CADPS2: variants seen among roughly 807,000 people sequenced by gnomAD.
CADPS2 encodes calcium-dependent secretion activator 2.
Under a neutral mutation model 172.5 loss-of-function variants are expected in CADPS2, and 93 were observed. The observed-to-expected ratio is 0.54, with a 90% CI of 0.46 to 0.64. CADPS2 has a LOEUF of 0.64. CADPS2 is among the 30% of genes least tolerant of loss of function. The pLI is 0.00. For missense variants in CADPS2, 1,420 were observed against 1,565.9 expected, an observed-to-expected ratio of 0.91 and a Z score of 1.57; for synonymous variants, 546 against 555.2, an observed-to-expected ratio of 0.98 and a Z score of 0.23.
At chr7:122,493,146 A>G (rs887663843) in intron 9 of CADPS2, among the ~76,000 whole-genome samples, 2 of 152,176 alleles carry the variant, frequency 1.3e-5, no homozygotes, top group African/African-American at 2.4e-5. Context: ...CATGCAAAAC[A>G]TATATTCAAT....
chr7:122,683,535 C>T (rs1009577792), intron 2 of CADPS2, among the ~76,000 whole-genome samples: 1 of 151,926 alleles, frequency 6.6e-6, no homozygotes, highest in Non-Finnish European at 1.5e-5. Context: ...TGGGGTACAA[C>T]GTGATGTTTT....
At chr7:122,837,916 C>G (rs1462437395) in intron 1 of CADPS2, among the ~76,000 whole-genome samples, 1 of 152,150 alleles carries the variant, frequency 6.6e-6, no homozygotes, top group African/African-American at 2.4e-5. Flanking sequence ...GGAATCCTCC[C>G]TAACTCATTT....
intron 6 of CADPS2, among the ~76,000 whole-genome samples, chr7:122,602,484 T>C (rs1242311594): frequency 6.6e-6 from 1 of 152,070 alleles, no homozygotes; most frequent in Non-Finnish European, 1.5e-5. Context: ...ATACATTGTA[T>C]TGACTTTGTG....
At chr7:122,828,756 G>T (rs1805660759) in intron 1 of CADPS2, among the ~76,000 whole-genome samples, 1 of 152,208 alleles carries the variant, frequency 6.6e-6, no homozygotes, top group South Asian at 2.1e-4. Context: ...ATCTGAGACT[G>T]TTTTTTCCCC....
intron 1 of CADPS2, among the ~76,000 whole-genome samples, chr7:122,884,644 G>A (rs1823817739): frequency 6.6e-6 from 1 of 152,134 alleles, no homozygotes; most frequent in Non-Finnish European, 1.5e-5. Flanking sequence ...TAGTTGCTCA[G>A]TTTGTGTGTG....
intron 1 of CADPS2, among the ~76,000 whole-genome samples, chr7:122,846,229 T>C (rs1811952586): frequency 6.6e-6 from 1 of 152,086 alleles, no homozygotes; most frequent in Non-Finnish European, 1.5e-5. Flanking sequence ...TCATCTCTAC[T>C]CCAAGGAATA....
chr7:122,857,662 C>T (rs1307819845), intron 1 of CADPS2, among the ~76,000 whole-genome samples: 1 of 152,158 alleles, frequency 6.6e-6, no homozygotes, highest in Non-Finnish European at 1.5e-5. Context: ...AAATAGCTCC[C>T]TTTATAAAGC....
chr7:122,514,283 C>T (rs535030924), intron 8 of CADPS2, among the ~76,000 whole-genome samples: 3 of 152,052 alleles, frequency 2.0e-5, no homozygotes, highest in Non-Finnish European at 4.4e-5. Flanking sequence ...GAAGGATTAA[C>T]AGTGCAGAGG....
intron 3 of CADPS2, among the ~76,000 whole-genome samples, chr7:122,630,200 G>A (rs1255592983): frequency 3.3e-5 from 5 of 152,054 alleles, no homozygotes; most frequent in Admixed American, 3.3e-4. Context: ...CTAAAGATTC[G>A]ATTGAGTATA....
At chr7:122,423,982 T>C (rs1334447597) in intron 17 of CADPS2, among the ~76,000 whole-genome samples, 1 of 152,208 alleles carries the variant, frequency 6.6e-6, no homozygotes, top group East Asian at 1.9e-4. Context: ...TATATAAACC[T>C]CATTTCAGGT....
intron 19 of CADPS2, chr7:122,409,468 C>CTT (rs543909692): frequency 4.1e-4 from 103 of 252,472 alleles, no homozygotes; most frequent in Middle Eastern, 1.3e-3. Context: ...ATGGAATACA[C>CTT]TTTTTTTTTT....
intron 1 of CADPS2, among the ~76,000 whole-genome samples, chr7:122,826,393 T>G (rs897111529): frequency 1.3e-5 from 2 of 151,996 alleles, no homozygotes; most frequent in African/African-American, 4.8e-5. Context: ...AATACAAAAA[T>G]AGCTAGGTTT....
intron 25 of CADPS2, 135 bp downstream of exon 25, chr7:122,379,233 C>T: frequency 3.7e-6 from 2 of 536,522 alleles, no homozygotes; most frequent in Non-Finnish European, 6.4e-6. Context: ...CCCAACTTTT[C>T]TGAAAATTCT....
At chr7:122,626,421 A>G (rs974276090) in intron 4 of CADPS2, among the ~76,000 whole-genome samples, 1 of 152,214 alleles carries the variant, frequency 6.6e-6, no homozygotes, top group South Asian at 2.1e-4. Flanking sequence ...TGCATGAGGT[A>G]TGAGAAAAAG....
At chr7:122,488,190 T>A (rs2058004817) in intron 11 of CADPS2, among the ~76,000 whole-genome samples, 1 of 152,026 alleles carries the variant, frequency 6.6e-6, no homozygotes, top group African/African-American at 2.4e-5. Flanking sequence ...AGAAAATGGT[T>A]TTGGGAAGAG....
chr7:122,643,468 T>C (rs1481815879), intron 3 of CADPS2, among the ~76,000 whole-genome samples: 3 of 152,176 alleles, frequency 2.0e-5, no homozygotes, highest in African/African-American at 7.2e-5. Flanking sequence ...AATTTCTCAA[T>C]GCAATGTCAT....
intron 2 of CADPS2, among the ~76,000 whole-genome samples, chr7:122,720,667 G>A (rs147957180): frequency 9.6e-4 from 146 of 151,648 alleles, no homozygotes; most frequent in African/African-American, 3.1e-3. Context: ...GAGCCCGTGC[G>A]AAACTTTGGG....
chr7:122,632,220 C>G (rs1225092743), intron 3 of CADPS2, among the ~76,000 whole-genome samples: 1 of 152,140 alleles, frequency 6.6e-6, no homozygotes, highest in Admixed American at 6.6e-5. Flanking sequence ...GGTACATACC[C>G]AGTAGTAGGA....
chr7:122,708,454 G>A (rs2087972693), intron 2 of CADPS2, among the ~76,000 whole-genome samples: 2 of 58,578 alleles, frequency 3.4e-5, no homozygotes. Context: ...ATATATATAT[G>A]TGTGTGGATA....
Sources: allele counts gnomAD v4.1 joint callset (sites outside exome capture counted in the v4.1 genomes callset), GRCh38; gene constraint gnomAD v4.1.1; transcripts MANE v1.5; gene names NCBI Gene and HGNC (gene_info 2026-07-23, HGNC 2026-07-21).